SIK3: variants seen among roughly 807,000 people sequenced by gnomAD.
The protein encoded by SIK3 is serine/threonine-protein kinase SIK3.
Under a neutral mutation model 144.2 loss-of-function variants are expected in SIK3, and 28 were observed. That is an observed-to-expected ratio of 0.19 (90% CI 0.14 to 0.27). SIK3 has a LOEUF of 0.27. SIK3 is among the 10% of genes least tolerant of loss of function. The pLI is 1.00. For synonymous variants in SIK3, 686 were observed against 676.3 expected (o/e 1.01, Z -0.22); for missense variants, 1,319 against 1,776.0 (o/e 0.74, Z 4.62).
chr11:116,951,178 G>A (rs995146428), intron 3 of SIK3, among the ~76,000 whole-genome samples: 5 of 152,070 alleles, frequency 3.3e-5, no homozygotes, highest in African/African-American at 9.7e-5. Flanking sequence ...TAAGTAAAAG[G>A]GCAAATAGGT....
intron 6 of SIK3, among the ~76,000 whole-genome samples, chr11:116,885,390 C>T (rs367735992): frequency 1.3e-5 from 2 of 152,054 alleles, no homozygotes; most frequent in African/African-American, 2.4e-5. Context: ...TCCTTACTTT[C>T]GATCAGTTTT....
chr11:117,002,868 C>A (rs1182991431), intron 1 of SIK3, among the ~76,000 whole-genome samples: 1 of 152,098 alleles, frequency 6.6e-6, no homozygotes, highest in East Asian at 1.9e-4. Context: ...AGTCTGTATC[C>A]CTAAGTGAAC....
chr11:116,978,384 C>G (rs1565520472), intron 1 of SIK3, among the ~76,000 whole-genome samples: 1 of 152,164 alleles, frequency 6.6e-6, no homozygotes, highest in Non-Finnish European at 1.5e-5. Flanking sequence ...CATCCCACTC[C>G]AAGAAAACCA....
intron 6 of SIK3, among the ~76,000 whole-genome samples, chr11:116,893,494 T>A (rs1455841892): frequency 6.6e-6 from 1 of 150,940 alleles, no homozygotes; most frequent in Non-Finnish European, 1.5e-5. Flanking sequence ...CTGGACAACA[T>A]GGCAAAACCC....
At chr11:117,018,181 C>A (rs1951616279) in intron 1 of SIK3, among the ~76,000 whole-genome samples, 1 of 151,984 alleles carries the variant, frequency 6.6e-6, no homozygotes, top group African/African-American at 2.4e-5. Flanking sequence ...CAGGAAGGAC[C>A]CCTGAGTACA....
At chr11:117,092,972 AATACTGGT>A (rs1383501412) in intron 1 of SIK3, among the ~76,000 whole-genome samples, 1 of 152,196 alleles carries the variant, frequency 6.6e-6, no homozygotes, top group Non-Finnish European at 1.5e-5. Flanking sequence ...TAGAAAATGG[AATACTGGT>A]ATTTTGACTC....
intron 1 of SIK3, among the ~76,000 whole-genome samples, chr11:117,026,887 G>A (rs1952033217): frequency 6.6e-6 from 1 of 152,044 alleles, no homozygotes; most frequent in South Asian, 2.1e-4. Flanking sequence ...AAACTCCATG[G>A]AAAAAAGAAT....
In SIK3 at chr11:116,847,611, G is replaced by T. The variant is rs369094983; in HGVS notation, c.3820-3C>A. 6.2e-7 allele frequency: 1 copy of T among 1,613,976 alleles called. No individual in the cohort carries two copies. Among genetic ancestry groups the T allele is most frequent in the Non-Finnish European group, 8.5e-7 (1 of 1,180,020 alleles). Reference sequence around the variant, plus strand: ...CCTGGCAAGTTATCCAGCTGTACCTGCAGAAAACAGTTAAGAGAAGAAATA... The same window carrying T: ...CCTGGCAAGTTATCCAGCTGTACCTTCAGAAAACAGTTAAGAGAAGAAATA... On this transcript the variant is annotated splice_polypyrimidine_tract_variant and splice_region_variant and intron_variant, in intron 22 of 24. Coordinates refer to ENST00000445177, the MANE Select transcript of SIK3 (RefSeq NM_001366686.3).
chr11:116,933,050 C>CATA (rs1409556282), intron 3 of SIK3, among the ~76,000 whole-genome samples: 8 of 152,076 alleles, frequency 5.3e-5, no homozygotes, highest in Admixed American at 5.2e-4. Flanking sequence ...GGATTACAGG[C>CATA]ATAAACCACC....
At chr11:117,030,188 T>C (rs1013658805) in intron 1 of SIK3, among the ~76,000 whole-genome samples, 1 of 152,184 alleles carries the variant, frequency 6.6e-6, no homozygotes, top group African/African-American at 2.4e-5. Flanking sequence ...CTGCAAAGTA[T>C]TTTGGCAATG....
intron 6 of SIK3, 111 bp downstream of exon 6, chr11:116,896,141 TA>T (rs1474079205): frequency 9.7e-6 from 14 of 1,446,588 alleles, no homozygotes; most frequent in East Asian, 2.4e-5. Context: ...AAGCTGGAGT[TA>T]AAAAAGGTTG....
chr11:116,897,672 C>T (rs530872640), intron 4 of SIK3, among the ~76,000 whole-genome samples: 4 of 152,158 alleles, frequency 2.6e-5, no homozygotes, highest in Non-Finnish European at 5.9e-5. Context: ...GGGCGGATCA[C>T]GAGGTCAGGA....
chr11:116,895,763 G>A (rs759436732), intron 6 of SIK3, among the ~76,000 whole-genome samples: 1 of 152,254 alleles, frequency 6.6e-6, no homozygotes, highest in Middle Eastern at 3.4e-3. Context: ...AAAGAGCACA[G>A]AAATAGGAAA....
At chr11:116,948,103 T>A (rs1948763172) in intron 3 of SIK3, among the ~76,000 whole-genome samples, 1 of 151,410 alleles carries the variant, frequency 6.6e-6, no homozygotes, top group African/African-American at 2.4e-5. Context: ...CATGGCTAAT[T>A]TTTCTATTTT....
At position 116,867,867 on chromosome 11, in the gene SIK3, A is replaced by C; in HGVS notation, c.1952+79T>G. 1 of 1,370,098 alleles carries C rather than the reference A, an allele frequency of 7.3e-7. No homozygotes were observed. The highest frequency in any genetic ancestry group is 1.5e-5 in the South Asian group (1 of 64,724). 84.9% of individuals were successfully genotyped at this position (1,370,098 alleles called of 1,614,324 possible). A position where few individuals can be genotyped will look rare whatever the true frequency, so the allele number is the denominator to read the frequency against. On this transcript the variant is annotated intron_variant, in intron 15 of 24. Coordinates refer to ENST00000445177, the MANE Select transcript of SIK3 (RefSeq NM_001366686.3). This position sits in a 1 kb window ranked among gnomAD's most constrained non-coding sequence, Gnocchi z 4.1. ...TCTATTTAAAGCCACGATGCTAGTCACCGTCGCTGTGAGACTAATCAGAAG... is the reference window on the plus strand; with the variant it reads ...TCTATTTAAAGCCACGATGCTAGTCCCCGTCGCTGTGAGACTAATCAGAAG...
intron 1 of SIK3, among the ~76,000 whole-genome samples, chr11:117,039,723 T>A (rs961980778): frequency 1.3e-5 from 2 of 152,226 alleles, no homozygotes; most frequent in Admixed American, 1.3e-4. Context: ...GTAGGTACTA[T>A]AGCTAAGTGC....
intron 1 of SIK3, among the ~76,000 whole-genome samples, chr11:117,094,157 A>G (rs185906705): frequency 1.3e-5 from 2 of 152,282 alleles, no homozygotes; most frequent in East Asian, 3.9e-4. Context: ...ATATCCAACT[A>G]TTAAGCAGCA....
At chr11:116,976,879 T>C (rs1949964144) in intron 1 of SIK3, among the ~76,000 whole-genome samples, 1 of 152,176 alleles carries the variant, frequency 6.6e-6, no homozygotes, top group Non-Finnish European at 1.5e-5. Flanking sequence ...TAAATATAAC[T>C]AACACAGAAC....
At chr11:117,051,505 T>A (rs578257071) in intron 1 of SIK3, among the ~76,000 whole-genome samples, 1 of 151,954 alleles carries the variant, frequency 6.6e-6, no homozygotes, top group Non-Finnish European at 1.5e-5. Context: ...TGGAAACTTA[T>A]TATGAAGGTT....
Sources: allele counts gnomAD v4.1 joint callset (sites outside exome capture counted in the v4.1 genomes callset), GRCh38; gene constraint gnomAD v4.1.1; non-coding constraint Gnocchi (gnomAD v3.1); transcripts MANE v1.5; gene names NCBI Gene and HGNC (gene_info 2026-07-23, HGNC 2026-07-21).